The following NPAS2 variants were observed in gnomAD, a reference collection of about 807,000 sequenced individuals.
NPAS2 encodes neuronal PAS domain protein 2, also known as neuronal PAS domain-containing protein 2.
Under a neutral mutation model 107.5 loss-of-function variants are expected in NPAS2, and 23 were observed. That is an observed-to-expected ratio of 0.21 (90% CI 0.15 to 0.30). The LOEUF (loss-of-function observed/expected upper bound fraction) is 0.30. Among genes scored for constraint, NPAS2 ranks in the 10% least tolerant of loss-of-function variants. NPAS2 has a pLI of 1.00. For synonymous variants in NPAS2, 403 were observed against 417.5 expected, an observed-to-expected ratio of 0.97 and a Z score of 0.42; for missense variants, 756 against 1,043.3, an observed-to-expected ratio of 0.72 and a Z score of 3.79.
At chr2:100,941,488 GGGA>G (rs1286216888) in intron 5 of NPAS2, among the ~76,000 whole-genome samples, 1 of 152,120 alleles carries the variant, frequency 6.6e-6, no homozygotes, top group Non-Finnish European at 1.5e-5. Context: ...GCTTGAGCCT[GGGA>G]GGAGGAGGTT....
At chr2:100,848,292 G>C (rs1677912962) in intron 1 of NPAS2, among the ~76,000 whole-genome samples, 2 of 152,118 alleles carry the variant, frequency 1.3e-5, no homozygotes, top group Non-Finnish European at 2.9e-5. Context: ...TTTTTCTTAG[G>C]GTGTGATCTT....
chr2:100,947,470 G>C (rs1674968854), intron 5 of NPAS2, among the ~76,000 whole-genome samples: 1 of 151,284 alleles, frequency 6.6e-6, no homozygotes, highest in African/African-American at 2.4e-5. Flanking sequence ...AGAATCGCTT[G>C]AACCTGGAAG....
Position 100,844,062 on chromosome 2 carries a change from C to A in NPAS2, c.-23+23648C>A, listed in dbSNP as rs1677616930. ...CCGGGCTGCCCATAGTACACAGACT[C>A]CCAGGGCCGTGTCAGCTCTCACTGT... On this transcript the variant is annotated intron_variant, in intron 1 of 20. Transcript: ENST00000335681. Among the ~76,000 whole-genome samples, 3 of 152,194 alleles carry A rather than the reference C, an allele frequency of 2.0e-5. No individual in the cohort carries two copies. The South Asian group carries it at 6.2e-4, about 32-fold the overall frequency.
At chr2:100,988,844 GC>G (rs1461701129) in intron 17 of NPAS2, 1 of 209,620 alleles carries the variant, frequency 4.8e-6, no homozygotes, top group Non-Finnish European at 8.7e-6. Flanking sequence ...GCTCCTCCAG[GC>G]CCCCACTGCT....
Position 100,990,338 on chromosome 2 carries a change from C to G in NPAS2, c.1910C>G (p.Ala637Gly). The G allele has an allele frequency of 6.2e-7, 1 of 1,614,172 alleles. No individual in the cohort carries two copies. The highest frequency in any genetic ancestry group is 8.5e-7 in the Non-Finnish European group (1 of 1,180,014). ...AGCCTAGTGTCCCCGTTCAGCAGCG[C>G]CACAGCTGCGCTCCCGCCAAGTCTG... ...GSSLVSPFSS[A>G]TAALPPSLNL... Residue 637 changes from alanine (A) to glycine (G), a missense_variant, in exon 18 of 21, where the codon GCC becomes GGC. This residue lies in a region of NPAS2 where 496 missense variants were observed against 594.4 expected (regional missense o/e 0.83). Coordinates refer to ENST00000335681, the MANE Select transcript of NPAS2 (RefSeq NM_002518.4).
At chr2:100,926,501 T>G (rs1483441591) in intron 3 of NPAS2, among the ~76,000 whole-genome samples, 1 of 152,242 alleles carries the variant, frequency 6.6e-6, no homozygotes, top group Non-Finnish European at 1.5e-5. Flanking sequence ...TGAAGTGATA[T>G]CTTATGTGAC....
At chr2:100,851,138 CG>C (rs1678150217) in intron 1 of NPAS2, among the ~76,000 whole-genome samples, 1 of 151,600 alleles carries the variant, frequency 6.6e-6, no homozygotes, top group South Asian at 2.1e-4. Flanking sequence ...ATGGGAGTTG[CG>C]GGGGCTGGAG....
At chr2:100,895,116 A>G (rs531919525) in intron 1 of NPAS2, among the ~76,000 whole-genome samples, 44 of 152,334 alleles carry the variant, frequency 2.9e-4, no homozygotes, top group African/African-American at 9.6e-4. Flanking sequence ...GTACACACAC[A>G]CACATACACA....
intron 1 of NPAS2, among the ~76,000 whole-genome samples, chr2:100,829,584 G>A (rs763572299): frequency 6.6e-6 from 1 of 152,144 alleles, no homozygotes; most frequent in Non-Finnish European, 1.5e-5. Flanking sequence ...TCTAGCCATA[G>A]AATCATATCA....
At chr2:100,866,604 G>A (rs545980500) in intron 1 of NPAS2, among the ~76,000 whole-genome samples, 1 of 152,280 alleles carries the variant, frequency 6.6e-6, no homozygotes, top group South Asian at 2.1e-4. Context: ...AAAATATTCA[G>A]AATTATTACA....
At chr2:100,849,809 C>A (rs1202478541) in intron 1 of NPAS2, among the ~76,000 whole-genome samples, 7 of 151,966 alleles carry the variant, frequency 4.6e-5, no homozygotes. Flanking sequence ...TCTGGTCCCA[C>A]AGAGGTCCTA....
chr2:100,896,858 C>T (rs975418393), intron 1 of NPAS2, among the ~76,000 whole-genome samples: 13 of 152,042 alleles, frequency 8.6e-5, no homozygotes, highest in African/African-American at 3.1e-4. Flanking sequence ...TTCTTCATTC[C>T]TCATGCATTT....
At chr2:100,939,513 G>A (rs1283767560) in intron 5 of NPAS2, among the ~76,000 whole-genome samples, 2 of 152,172 alleles carry the variant, frequency 1.3e-5, no homozygotes, top group Non-Finnish European at 1.5e-5. Context: ...CATGAATACA[G>A]AAGTGATCCC....
intron 1 of NPAS2, among the ~76,000 whole-genome samples, chr2:100,875,059 C>G (rs1367303946): frequency 6.6e-6 from 1 of 152,148 alleles, no homozygotes. Flanking sequence ...AGCTTAAGCC[C>G]ATGTGCTCTA....
In NPAS2 at chr2:100,820,904, G is replaced by T; in HGVS notation, c.-23+490G>T. The T allele has an allele frequency of 1.8e-6, 1 of 541,584 alleles. No homozygotes were observed. The allele number at this position is 541,584 out of a possible 1,614,324, so 33.5% of individuals were successfully genotyped here. A position where few individuals can be genotyped will look rare whatever the true frequency, so the allele number is the denominator to read the frequency against. On this transcript the variant is annotated intron_variant, in intron 1 of 20. Coordinates refer to ENST00000335681, the MANE Select transcript of NPAS2 (RefSeq NM_002518.4). This position sits in a 1 kb window ranked among gnomAD's most constrained non-coding sequence, Gnocchi z 5.6. ...CTCTCGGAGTCCCTGGGTCGGAATT[G>T]GTTCCGGGCCGGATTGGGTGCGGAA...
In NPAS2 at chr2:100,990,584, A is replaced by C. The variant is rs113381079; in HGVS notation, c.2018+138A>C. 23 of 1,085,456 alleles carry C rather than the reference A, an allele frequency of 2.1e-5. 2 individuals carry two copies. In the African/African-American group the frequency reaches 2.2e-4, roughly 10 times the overall value. The allele number at this position is 1,085,456 out of a possible 1,614,324, so 67.2% of individuals were successfully genotyped here. On this transcript the variant is annotated intron_variant, in intron 18 of 20. Coordinates refer to ENST00000335681, the MANE Select transcript of NPAS2 (RefSeq NM_002518.4). ...CACAGTTGATCTCAGCTAAGGAAGC[A>C]GAGGACAGGGCTTGGGATCCTGAGG...
intron 3 of NPAS2, among the ~76,000 whole-genome samples, chr2:100,930,974 G>A (rs1223760428): frequency 6.6e-6 from 1 of 152,186 alleles, no homozygotes; most frequent in Non-Finnish European, 1.5e-5. Context: ...AAATATTATA[G>A]CACATCTTCA....
Position 100,978,466 on chromosome 2 carries a change from A to G in NPAS2, c.1482+667A>G, listed in dbSNP as rs150766129. On this transcript the variant is annotated intron_variant, in intron 15 of 20. Transcript: ENST00000335681. ...CTGAATTGGGCTGCATGTCATAGAA[A>G]GACTGAAAGGATCTAAAAGCCGTGA... Among the ~76,000 whole-genome samples, 1,274 of 152,268 alleles carry G rather than the reference A, an allele frequency of 8.4e-3. 24 individuals carry two copies. Among genetic ancestry groups the G allele is most frequent in the African/African-American group, 0.029 (1,188 of 41,530 alleles).
chr2:100,850,011 T>TAAAAAA lies in NPAS2; in HGVS notation c.-23+29618_-23+29623dup, dbSNP rs58359292. 1.8e-4 allele frequency among the ~76,000 whole-genome samples: 10 copies of TAAAAAA among 56,212 alleles called. 1 individual carries two copies. Among genetic ancestry groups the TAAAAAA allele is most frequent in the African/African-American group, 7.8e-4 (10 of 12,790 alleles). The allele number at this position is 56,212 out of a possible 152,430, so 36.9% of individuals were successfully genotyped here. On this transcript the variant is annotated intron_variant, in intron 1 of 20. Coordinates refer to ENST00000335681, the MANE Select transcript of NPAS2 (RefSeq NM_002518.4). ...ATAGATCTAACAGTAACTCTTTTTG[T>TAAAAAA]AAAAAAAAAAAAAAAAAAAAAAAAA...
Sources: allele counts gnomAD v4.1 joint callset (sites outside exome capture counted in the v4.1 genomes callset), GRCh38; gene constraint gnomAD v4.1.1; regional missense constraint gnomAD v4.1.1; non-coding constraint Gnocchi (gnomAD v3.1); transcripts MANE v1.5; gene names NCBI Gene and HGNC (gene_info 2026-07-23, HGNC 2026-07-21).